SLC5A8: variants seen among roughly 807,000 people sequenced by gnomAD.
SLC5A8 encodes the protein sodium-coupled monocarboxylate transporter 1.
SLC5A8 carries 55 observed loss-of-function variants against 71.9 expected under a neutral mutation model. The observed-to-expected ratio is 0.77, with a 90% CI of 0.62 to 0.96. The LOEUF (loss-of-function observed/expected upper bound fraction) is 0.96. Among genes scored for constraint, SLC5A8 ranks in the 40% least tolerant of loss-of-function variants. The pLI is 0.00. For missense variants in SLC5A8, 701 were observed against 745.3 expected, an observed-to-expected ratio of 0.94 and a Z score of 0.69; for synonymous variants, 307 against 276.1, an observed-to-expected ratio of 1.11 and a Z score of -1.11.
chr12:101,195,741 G>C (rs1191136882), intron 3 of SLC5A8, among the ~76,000 whole-genome samples: 2 of 141,644 alleles, frequency 1.4e-5, no homozygotes, highest in Non-Finnish European at 3.0e-5. Context: ...TTTGTTACCA[G>C]GCTGGAGTGC....
intron 3 of SLC5A8, 40 bp from the exon 4 acceptor site, chr12:101,195,202 T>C (rs895543536): frequency 1.3e-6 from 2 of 1,595,986 alleles, no homozygotes; most frequent in Non-Finnish European, 1.7e-6. Flanking sequence ...TTGTGAAATA[T>C]GCACAATAAA....
intron 3 of SLC5A8, among the ~76,000 whole-genome samples, chr12:101,199,665 G>A (rs376950536): frequency 2.6e-5 from 4 of 152,002 alleles, no homozygotes; most frequent in South Asian, 2.1e-4. Context: ...ATGCTGGCAA[G>A]GATGTGGAAT....
chr12:101,169,900 C>A (rs745866863), intron 10 of SLC5A8, among the ~76,000 whole-genome samples: 3 of 152,086 alleles, frequency 2.0e-5, no homozygotes, highest in Admixed American at 6.5e-5. Context: ...AACTGTAATA[C>A]AGTTTGATAA....
At chr12:101,179,102 A>G (rs1039343919) in intron 10 of SLC5A8, among the ~76,000 whole-genome samples, 3 of 152,220 alleles carry the variant, frequency 2.0e-5, no homozygotes, top group Admixed American at 1.3e-4. Flanking sequence ...TAACACTACA[A>G]TGAGATATCA....
intron 6 of SLC5A8, among the ~76,000 whole-genome samples, chr12:101,189,960 C>T (rs933755420): frequency 1.3e-4 from 20 of 152,132 alleles, no homozygotes; most frequent in African/African-American, 4.1e-4. Flanking sequence ...AACTGCAGCT[C>T]AAAGAGACTG....
intron 10 of SLC5A8, among the ~76,000 whole-genome samples, chr12:101,168,573 C>T (rs1319199884): frequency 2.0e-5 from 3 of 152,126 alleles, no homozygotes; most frequent in Admixed American, 6.5e-5. Context: ...TAACGGTGGA[C>T]GAGTACTGCT....
At chr12:101,180,457 C>T (rs1177274399) in intron 9 of SLC5A8, among the ~76,000 whole-genome samples, 1 of 152,104 alleles carries the variant, frequency 6.6e-6, no homozygotes, top group Non-Finnish European at 1.5e-5. Flanking sequence ...TTTCAGCTTG[C>T]CAAAAATAGA....
In SLC5A8 at chr12:101,166,597, G is replaced by A; in HGVS notation, c.1423C>T (p.Leu475Phe). The A allele has an allele frequency of 6.2e-7, 1 of 1,613,988 alleles. No homozygotes were observed. The highest frequency in any genetic ancestry group is 8.5e-7 in the Non-Finnish European group (1 of 1,179,956). ...PLPERTLPLH[L>F]DIQGCNSTYN... ...GTGCTGTTACAGCCTTGGATATCAA[G>A]GTGCAATGGCAATGTTCTCTCAGGA... Residue 475 changes from leucine to phenylalanine, a missense_variant, in exon 12 of 15, where the codon CTT (leucine) becomes TTT (phenylalanine). Coordinates refer to ENST00000536262, the MANE Select transcript of SLC5A8 (RefSeq NM_145913.5).
intron 3 of SLC5A8, among the ~76,000 whole-genome samples, chr12:101,197,788 A>T (rs1869252355): frequency 6.6e-6 from 1 of 152,092 alleles, no homozygotes; most frequent in South Asian, 2.1e-4. Context: ...GAACAAGTAA[A>T]ACAAATTCCA....
intron 4 of SLC5A8, among the ~76,000 whole-genome samples, chr12:101,194,669 G>A (rs1869083010): frequency 6.6e-6 from 1 of 152,000 alleles, no homozygotes; most frequent in Non-Finnish European, 1.5e-5. Context: ...TAGAGACAGA[G>A]TCTCACTTTG....
rs2051771374 is a variant in SLC5A8 at position 101,166,495 on chromosome 12, T to C, written c.1525A>G (p.Arg509Gly). 1 of 1,611,922 alleles carries C rather than the reference T, an allele frequency of 6.2e-7. No individual in the cohort carries two copies. The highest frequency in any genetic ancestry group is 1.7e-5 in the Admixed American group (1 of 59,758). ...ATGTAATAAAACTTAATTCAATACCTTTGAACATTGTATATTTGAAAAACA... is the reference window on the plus strand; with the variant it reads ...ATGTAATAAAACTTAATTCAATACCCTTGAACATTGTATATTTGAAAAACA... ...TSVFQIYNVQ[R>G]TPLMDNWYSL... is the part of the protein sequence containing the mutation. The change falls in exon 12 of 15, where the codon AGG becomes GGG. Residue 509 changes from arginine to glycine, a missense_variant and splice_region_variant. Physicochemically the swap from Arg to Gly is moderately radical, Grantham distance 125. Transcript: ENST00000536262.
At chr12:101,191,117 C>A (rs1165882521) in intron 5 of SLC5A8, among the ~76,000 whole-genome samples, 1 of 152,172 alleles carries the variant, frequency 6.6e-6, no homozygotes, top group African/African-American at 2.4e-5. Context: ...AATGCAGTTT[C>A]AAGTTTTGCA....
chr12:101,194,791 T>C (rs1296517588), intron 4 of SLC5A8, among the ~76,000 whole-genome samples: 1 of 152,150 alleles, frequency 6.6e-6, no homozygotes, highest in African/African-American at 2.4e-5. Flanking sequence ...TGATAGGTTT[T>C]TAAGCTGAGG....
chr12:101,163,602 C>G (rs552391720), intron 12 of SLC5A8, among the ~76,000 whole-genome samples: 2 of 152,208 alleles, frequency 1.3e-5, no homozygotes, highest in East Asian at 1.9e-4. Flanking sequence ...TCACTTGAAC[C>G]CAGAGGTGGA....
chr12:101,187,351 A>G, intron 7 of SLC5A8, 35 bp downstream of exon 7: 1 of 1,589,066 alleles, frequency 6.3e-7, no homozygotes, highest in Non-Finnish European at 8.6e-7. Context: ...TTTGAATATT[A>G]TTAATACACC....
At chr12:101,175,720 C>A (rs1379133799) in intron 10 of SLC5A8, among the ~76,000 whole-genome samples, 1 of 151,740 alleles carries the variant, frequency 6.6e-6, no homozygotes, top group Admixed American at 6.6e-5. Flanking sequence ...ATGATAGAGA[C>A]AAAAAGAAAG....
In SLC5A8 at chr12:101,184,279, A is replaced by G. The variant is rs549567744; in HGVS notation, c.964-57T>C. On this transcript the variant is annotated intron_variant, in intron 7 of 14. Coordinates refer to ENST00000536262, the MANE Select transcript of SLC5A8 (RefSeq NM_145913.5). ...TTTCGCTACTGAATAAAATTAATGAATGCCTAGTTTATCATTTGTCTTGTC... is the reference window on the plus strand; with the variant it reads ...TTTCGCTACTGAATAAAATTAATGAGTGCCTAGTTTATCATTTGTCTTGTC... 11 of 1,365,984 alleles carry G rather than the reference A, an allele frequency of 8.1e-6. No individual in the cohort carries two copies. The South Asian group carries it at 1.1e-4, about 13-fold the overall frequency. The allele number at this position is 1,365,984 out of a possible 1,614,324, so 84.6% of individuals were successfully genotyped here.
At chr12:101,204,698 G>T in intron 1 of SLC5A8, 133 bp from the exon 2 acceptor site, 1 of 638,520 alleles carries the variant, frequency 1.6e-6, no homozygotes, top group Non-Finnish European at 2.7e-6. Context: ...TTATTTTAGT[G>T]TTATTTTTAT....
chr12:101,190,017 T>A (rs993960152), intron 6 of SLC5A8, among the ~76,000 whole-genome samples: 20 of 152,222 alleles, frequency 1.3e-4, no homozygotes, highest in Non-Finnish European at 2.9e-4. Flanking sequence ...AGAGCAGGGT[T>A]ATAAATCCAT....
Sources: gnomAD v4.1 joint callset for allele counts (sites outside exome capture counted in the v4.1 genomes callset) on GRCh38, gnomAD v4.1.1 for gene constraint, MANE v1.5 for transcripts, NCBI Gene and HGNC (gene_info 2026-07-23, HGNC 2026-07-21) for gene names.